NLGN1: variants seen among roughly 807,000 people sequenced by gnomAD.
The protein encoded by NLGN1 is neuroligin 1, also known as neuroligin-1.
A neutral mutation model predicts 65.5 loss-of-function variants in NLGN1; 12 were observed. The observed-to-expected ratio is 0.18, with a 90% CI of 0.12 to 0.30. The LOEUF (loss-of-function observed/expected upper bound fraction) is 0.30. Ranked by LOEUF, NLGN1 falls within the 10% of genes least tolerant of loss-of-function variation. The pLI, the probability that NLGN1 is intolerant of heterozygous loss-of-function variation, is 1.00. For synonymous variants in NLGN1, 350 were observed against 359.5 expected, an observed-to-expected ratio of 0.97 and a Z score of 0.30; for missense variants, 750 against 1,007.1, an observed-to-expected ratio of 0.74 and a Z score of 3.46.
chr3:174,111,678 T>C (rs1185754970), intron 4 of NLGN1, among the ~76,000 whole-genome samples: 1 of 151,700 alleles, frequency 6.6e-6, no homozygotes, highest in Non-Finnish European at 1.5e-5. Flanking sequence ...GAACACAAGG[T>C]TATAGAATGG....
rs191954018 is a variant in NLGN1, at chr3:174,252,429, C to G, written c.647-22886C>G. ...AATATTGTTATCTAGAAATAGTTTACTAGTAAAGCAAAAAAGAAAGGGAAC... is the reference window on the plus strand; with the variant it reads ...AATATTGTTATCTAGAAATAGTTTAGTAGTAAAGCAAAAAAGAAAGGGAAC... On this transcript the variant is annotated intron_variant, in intron 4 of 6. Coordinates refer to ENST00000457714, the Ensembl canonical transcript of NLGN1. 1.4e-3 allele frequency among the ~76,000 whole-genome samples: 218 copies of G among 151,986 alleles called. 1 individual carries two copies. Among genetic ancestry groups the G allele is most frequent in the African/African-American group, 5.1e-3 (211 of 41,488 alleles).
intron 4 of NLGN1, among the ~76,000 whole-genome samples, chr3:173,888,213 A>G (rs1734709385): frequency 6.6e-6 from 1 of 151,960 alleles, no homozygotes. Flanking sequence ...GCACAGTGAG[A>G]TACAGTCATC....
chr3:174,234,279 T>C (rs1403351241), intron 4 of NLGN1, among the ~76,000 whole-genome samples: 1 of 152,156 alleles, frequency 6.6e-6, no homozygotes, highest in Non-Finnish European at 1.5e-5. Flanking sequence ...TCAAGTGCAC[T>C]GTTTGACCTT....
At chr3:173,763,977 T>G (rs1778385639) in intron 3 of NLGN1, among the ~76,000 whole-genome samples, 1 of 152,190 alleles carries the variant, frequency 6.6e-6, no homozygotes, top group African/African-American at 2.4e-5. Flanking sequence ...CTGTGCTCAG[T>G]AAGCTAACAA....
At chr3:173,504,349 A>T (rs1041542515) in intron 2 of NLGN1, among the ~76,000 whole-genome samples, 2 of 152,120 alleles carry the variant, frequency 1.3e-5, no homozygotes, top group African/African-American at 4.8e-5. Context: ...ACATTCTGAG[A>T]TTCTAAACTG....
intron 4 of NLGN1, among the ~76,000 whole-genome samples, chr3:173,858,244 A>G (rs2150782227): frequency 6.6e-6 from 1 of 152,134 alleles, no homozygotes; most frequent in East Asian, 1.9e-4. Context: ...ATTTTGCTTG[A>G]TTTTAAAAGA....
At chr3:173,470,400 A>G (rs1195440815) in intron 2 of NLGN1, among the ~76,000 whole-genome samples, 1 of 152,016 alleles carries the variant, frequency 6.6e-6, no homozygotes, top group African/African-American at 2.4e-5. Flanking sequence ...TCTCCTTGTG[A>G]AATTCACCCA....
chr3:174,165,330 C>G (rs955802732), intron 4 of NLGN1, among the ~76,000 whole-genome samples: 3 of 151,832 alleles, frequency 2.0e-5, no homozygotes, highest in Non-Finnish European at 4.4e-5. Flanking sequence ...GATATTGGCT[C>G]TGGATTTGGC....
At chr3:173,941,697 G>A (rs892643984) in intron 4 of NLGN1, among the ~76,000 whole-genome samples, 1 of 151,254 alleles carries the variant, frequency 6.6e-6, no homozygotes, top group African/African-American at 2.4e-5. Flanking sequence ...TATATAGTGT[G>A]TATATATATA....
At chr3:173,840,817 G>T (rs1278277824) in intron 4 of NLGN1, among the ~76,000 whole-genome samples, 2 of 151,980 alleles carry the variant, frequency 1.3e-5, no homozygotes, top group African/African-American at 2.4e-5. Context: ...TAACCACAGT[G>T]CAGCTACAAC....
At chr3:173,754,786 T>C (rs1776847618) in intron 3 of NLGN1, among the ~76,000 whole-genome samples, 2 of 152,158 alleles carry the variant, frequency 1.3e-5, no homozygotes, top group Admixed American at 1.3e-4. Flanking sequence ...AATGTTTTCC[T>C]TCTTCTTCAT....
intron 4 of NLGN1, among the ~76,000 whole-genome samples, chr3:174,065,716 TA>T (rs78751846): frequency 0.068 from 9,946 of 147,148 alleles, 544 homozygotes; most frequent in African/African-American, 0.15. Context: ...ATTACATTAT[TA>T]AAAAAAAAAA....
chr3:173,685,522 T>C, intron 3 of NLGN1: 2 of 331,546 alleles, frequency 6.0e-6, no homozygotes, highest in Non-Finnish European at 8.6e-6. Context: ...TTACCACTGT[T>C]GTACCTCAGC....
At chr3:173,407,842 G>T (rs909691199) in intron 1 of NLGN1, among the ~76,000 whole-genome samples, 2 of 152,162 alleles carry the variant, frequency 1.3e-5, no homozygotes, top group African/African-American at 4.8e-5. Context: ...TTGGTTTAGG[G>T]CCTCTGCAGA....
chr3:173,790,272 G>A (rs1458266979), intron 3 of NLGN1, among the ~76,000 whole-genome samples: 2 of 151,996 alleles, frequency 1.3e-5, no homozygotes, highest in East Asian at 1.9e-4. Flanking sequence ...TCTCCCTAAA[G>A]TAGTTGCACA....
chr3:173,538,948 A>C (rs1363789902), intron 2 of NLGN1, among the ~76,000 whole-genome samples: 2 of 150,352 alleles, frequency 1.3e-5, no homozygotes, highest in African/African-American at 2.5e-5. Flanking sequence ...CCAATTTTCC[A>C]ATCATGTTTC....
chr3:173,629,304 G>T (rs1460597720), intron 3 of NLGN1, among the ~76,000 whole-genome samples: 5 of 151,342 alleles, frequency 3.3e-5, no homozygotes, highest in Non-Finnish European at 7.4e-5. Flanking sequence ...TTAGTAGAGT[G>T]GGGGCCTTGC....
At chr3:174,278,881 G>T in exon 6 of NLGN1, 1 of 1,492,726 alleles carries the variant, frequency 6.7e-7, no homozygotes, top group Non-Finnish European at 8.9e-7. Context: ...ACGAGCAATA[G>T]CTCAAAGTGG....
chr3:173,603,990 CA>C (rs1220877440), intron 2 of NLGN1, among the ~76,000 whole-genome samples: 6 of 151,984 alleles, frequency 3.9e-5, no homozygotes, highest in African/African-American at 1.4e-4. Context: ...TCACACCTAA[CA>C]TTCAGTATTT....
Sources: gnomAD v4.1 joint callset for allele counts (sites outside exome capture counted in the v4.1 genomes callset) on GRCh38, gnomAD v4.1.1 for gene constraint, MANE v1.5 for transcripts, NCBI Gene and HGNC (gene_info 2026-07-23, HGNC 2026-07-21) for gene names.